Variants in CRCP observed in about 807,000 individuals in gnomAD.
CRCP encodes CGRP receptor component, also known as DNA-directed RNA polymerase III subunit RPC9.
CRCP carries 18 observed loss-of-function variants against 18.5 expected under a neutral mutation model. That is an observed-to-expected ratio of 0.97 (90% CI 0.67 to 1.44). The LOEUF (loss-of-function observed/expected upper bound fraction) is 1.44, where lower values mean the gene tolerates loss of function less well. Ranked by LOEUF, CRCP falls within the 40% of genes most tolerant of loss-of-function variation. CRCP has a pLI of 0.00. For missense variants in CRCP, 130 were observed against 176.4 expected (o/e 0.74, Z 1.49); for synonymous variants, 53 against 62.9 (o/e 0.84, Z 0.75).
rs1193589762 is a variant in CRCP, at chr7:66,152,613, G to C, written c.*256G>C. The C allele has an allele frequency of 9.3e-6, 4 of 429,618 alleles. No individual in the cohort carries two copies. The highest frequency in any genetic ancestry group is 3.7e-5 in the Admixed American group (1 of 27,148). The allele number at this position is 429,618 out of a possible 1,614,324, so 26.6% of individuals were successfully genotyped here. A position where few individuals can be genotyped will look rare whatever the true frequency, so the allele number is the denominator to read the frequency against. Reference sequence around the variant, plus strand: ...AGTGACCGCGGACCCCTCTGTGCTTGAAAGATTTCCTCCACGGCCTTTGCC... The same window carrying C: ...AGTGACCGCGGACCCCTCTGTGCTTCAAAGATTTCCTCCACGGCCTTTGCC... On this transcript the variant is annotated 3_prime_UTR_variant, in exon 6 of 6. Coordinates refer to ENST00000395326, the MANE Select transcript of CRCP (RefSeq NM_014478.5).
At position 66,152,594 on chromosome 7, in the gene CRCP, C is replaced by T. The variant is rs561713662; in HGVS notation, c.*237C>T. 5 of 505,612 alleles carry T rather than the reference C, an allele frequency of 9.9e-6. No homozygotes were observed. Among genetic ancestry groups the T allele is most frequent in the East Asian group, 7.4e-5 (2 of 27,090 alleles). 31.3% of individuals were successfully genotyped at this position (505,612 alleles called of 1,614,324 possible). On this transcript the variant is annotated 3_prime_UTR_variant, in exon 6 of 6. Transcript: ENST00000395326. ...GAGAGCTGAAGGTGGGGACAGTGAC[C>T]GCGGACCCCTCTGTGCTTGAAAGAT...
At chr7:66,143,332 A>G (rs886332024) in intron 4 of CRCP, among the ~76,000 whole-genome samples, 2 of 152,032 alleles carry the variant, frequency 1.3e-5, no homozygotes, top group Non-Finnish European at 2.9e-5. Flanking sequence ...TTGCTCTCCT[A>G]TATTGACCAA....
At chr7:66,152,166 A>T in intron 5 of CRCP, 42 bp from the exon 6 acceptor site, 1 of 1,611,812 alleles carries the variant, frequency 6.2e-7, no homozygotes, top group Non-Finnish European at 8.5e-7. Flanking sequence ...CAAGGCTGTA[A>T]GTTTCATTTG....
At chr7:66,124,432 C>T (rs930945779) in intron 1 of CRCP, among the ~76,000 whole-genome samples, 4 of 152,142 alleles carry the variant, frequency 2.6e-5, no homozygotes, top group Non-Finnish European at 2.9e-5. Flanking sequence ...CACTTGTTAA[C>T]ATTTTGATTC....
At chr7:66,137,558 A>T (rs1052865658) in intron 4 of CRCP, among the ~76,000 whole-genome samples, 1 of 152,250 alleles carries the variant, frequency 6.6e-6, no homozygotes, top group African/African-American at 2.4e-5. Context: ...GTCCTTCACC[A>T]TTAAGTATGA....
At chr7:66,116,809 A>G (rs565638984) in intron 1 of CRCP, among the ~76,000 whole-genome samples, 24 of 152,094 alleles carry the variant, frequency 1.6e-4, no homozygotes, top group Admixed American at 6.6e-4. Flanking sequence ...TCACTGGTCT[A>G]CGGGAATGAC....
chr7:66,135,415 G>A (rs1787942639), intron 4 of CRCP, among the ~76,000 whole-genome samples: 1 of 152,068 alleles, frequency 6.6e-6, no homozygotes, highest in East Asian at 1.9e-4. Context: ...TGTAGAAATG[G>A]GGAAAAAACA....
Position 66,123,238 on chromosome 7 carries a change from G to A in CRCP, c.9-4466G>A, listed in dbSNP as rs557619243. ...CAAAGTGCCGGGATTACAGGTGTGA[G>A]CCACTGCGCCTGGCGTAAAATGAGT... On this transcript the variant is annotated intron_variant, in intron 1 of 5. Transcript: ENST00000395326. 2.1e-3 allele frequency among the ~76,000 whole-genome samples: 324 copies of A among 152,304 alleles called. 2 individuals are homozygous for A. Among genetic ancestry groups the A allele is most frequent in the African/African-American group, 7.6e-3 (317 of 41,578 alleles).
chr7:66,135,886 G>A (rs2451953), intron 4 of CRCP, among the ~76,000 whole-genome samples: 120,538 of 151,726 alleles, frequency 0.79, 48,396 homozygotes, highest in African/African-American at 0.91. Flanking sequence ...GCGCCCTTGC[G>A]CTCCAGCCTG....
intron 2 of CRCP, among the ~76,000 whole-genome samples, chr7:66,129,594 A>G (rs1787730804): frequency 6.8e-6 from 1 of 147,100 alleles, no homozygotes; most frequent in Non-Finnish European, 1.5e-5. Context: ...AGAAGGTAGT[A>G]GAATAAACAG....
At chr7:66,142,112 C>T (rs890123718) in intron 4 of CRCP, among the ~76,000 whole-genome samples, 3 of 152,148 alleles carry the variant, frequency 2.0e-5, no homozygotes, top group African/African-American at 7.2e-5. Context: ...ACCTCTCAGA[C>T]GGGAACTGAG....
intron 1 of CRCP, among the ~76,000 whole-genome samples, chr7:66,125,270 T>C (rs945749370): frequency 2.0e-5 from 3 of 149,190 alleles, no homozygotes; most frequent in Non-Finnish European, 4.5e-5. Context: ...GCCAACAACC[T>C]GTCGTTTAGT....
intron 2 of CRCP, among the ~76,000 whole-genome samples, chr7:66,129,072 G>A (rs968962918): frequency 1.3e-5 from 2 of 152,216 alleles, no homozygotes; most frequent in African/African-American, 4.8e-5. Flanking sequence ...GGTGTCTCAC[G>A]CCTGTAATCC....
chr7:66,134,505 A>AACTG, intron 4 of CRCP, 131 bp downstream of exon 4: 1 of 648,816 alleles, frequency 1.5e-6, no homozygotes, highest in African/African-American at 1.9e-5. Context: ...GAGATGAAAC[A>AACTG]ACTGAAAGTT....
At chr7:66,121,061 A>G (rs1250710859) in intron 1 of CRCP, among the ~76,000 whole-genome samples, 1 of 150,930 alleles carries the variant, frequency 6.6e-6, no homozygotes, top group Non-Finnish European at 1.5e-5. Flanking sequence ...TAATAATAAT[A>G]ATAATACCTG....
chr7:66,120,155 G>C (rs1161485749), intron 1 of CRCP, among the ~76,000 whole-genome samples: 1 of 151,790 alleles, frequency 6.6e-6, no homozygotes, highest in African/African-American at 2.4e-5. Context: ...CTGCACTCCA[G>C]CCTGGGCGAT....
chr7:66,147,283 G>A (rs1788326300), intron 5 of CRCP, among the ~76,000 whole-genome samples: 1 of 151,204 alleles, frequency 6.6e-6, no homozygotes, highest in South Asian at 2.1e-4. Flanking sequence ...AGGTTGCAGT[G>A]AGCCAGGATT....
chr7:66,115,424 A>C (rs1787229240), intron 1 of CRCP, among the ~76,000 whole-genome samples: 1 of 152,118 alleles, frequency 6.6e-6, no homozygotes, highest in Admixed American at 6.6e-5. Context: ...GAGCCCTCGG[A>C]AGAGCTGCCC....
Position 66,125,353 on chromosome 7 carries a change from G to A in CRCP, c.9-2351G>A, listed in dbSNP as rs1198579023. ...TCCCCAATACATACAGCTCGTTTAG[G>A]ACTTCATAAAAGGTAGATAAAGTAC... is the stretch of plus-strand genomic sequence containing the variant. On this transcript the variant is annotated intron_variant, in intron 1 of 5. Transcript: ENST00000395326. Among the ~76,000 whole-genome samples the A allele has an allele frequency of 2.0e-5, 3 of 149,288 alleles. 1 individual carries two copies. The highest frequency in any genetic ancestry group is 7.3e-5 in the African/African-American group (3 of 41,238).
Sources: allele counts gnomAD v4.1 joint callset (sites outside exome capture counted in the v4.1 genomes callset), GRCh38; gene constraint gnomAD v4.1.1; transcripts MANE v1.5; gene names NCBI Gene and HGNC (gene_info 2026-07-23, HGNC 2026-07-21).